ENOX1: variants seen among roughly 807,000 people sequenced by gnomAD.
ENOX1 encodes candidate growth-related and time keeping constitutive hydroquinone (NADH) oxidase.
In ENOX1, 42 loss-of-function variants were observed where a neutral mutation model predicts 82.5. That is an observed-to-expected ratio of 0.51 (90% confidence interval 0.40 to 0.66). The LOEUF is 0.66. Ranked by LOEUF, ENOX1 falls within the 30% of genes least tolerant of loss-of-function variation. ENOX1 has a pLI of 0.00. For synonymous variants in ENOX1, 271 were observed against 282.2 expected, an observed-to-expected ratio of 0.96 and a Z score of 0.40; for missense variants, 608 against 811.6, an observed-to-expected ratio of 0.75 and a Z score of 3.05.
chr13:43,363,844 G>A (rs181558174), intron 5 of ENOX1, among the ~76,000 whole-genome samples: 5 of 152,296 alleles, frequency 3.3e-5, no homozygotes, highest in African/African-American at 4.8e-5. Flanking sequence ...GTCCAGAAAT[G>A]GGGACAGAAG....
At chr13:43,416,376 A>T (rs2054555953) in intron 3 of ENOX1, among the ~76,000 whole-genome samples, 1 of 146,042 alleles carries the variant, frequency 6.8e-6, no homozygotes, top group Non-Finnish European at 1.5e-5. Context: ...AGCGCTCCTC[A>T]CATCCCAGAC....
Position 43,264,276 on chromosome 13 carries a change from A to G in ENOX1, c.1611+1122T>C, listed in dbSNP as rs181139545. ...CAAAGTCTGGATTTCAAACTACATC[A>G]CATCATAGCTGCCTCAACTTCCTGT... On this transcript the variant is annotated intron_variant, in intron 14 of 16. Coordinates refer to ENST00000690772, the MANE Select transcript of ENOX1 (RefSeq NM_001347969.2). Among the ~76,000 whole-genome samples, 313 of 152,326 alleles carry G rather than the reference A, an allele frequency of 2.1e-3. 1 individual carries two copies. The highest frequency in any genetic ancestry group is 5.8e-3 in the Admixed American group (89 of 15,300).
At chr13:43,362,455 C>T (rs1566606677) in intron 5 of ENOX1, among the ~76,000 whole-genome samples, 1 of 152,148 alleles carries the variant, frequency 6.6e-6, no homozygotes, top group African/African-American at 2.4e-5. Context: ...CCCTCCTCTA[C>T]TCTGCAAGGA....
chr13:43,719,956 C>A (rs969821793), intron 1 of ENOX1, among the ~76,000 whole-genome samples: 1 of 152,080 alleles, frequency 6.6e-6, no homozygotes, highest in African/African-American at 2.4e-5. Flanking sequence ...AGAAAATAAC[C>A]TACAGCAGGT....
chr13:43,398,803 CTTT>C (rs537591506), intron 5 of ENOX1, among the ~76,000 whole-genome samples: 4 of 140,404 alleles, frequency 2.8e-5, no homozygotes, highest in Admixed American at 7.2e-5. Flanking sequence ...ATTTCTTCTT[CTTT>C]TTTTTTTTTT....
chr13:43,393,906 G>A (rs1372577404), intron 5 of ENOX1, among the ~76,000 whole-genome samples: 2 of 152,182 alleles, frequency 1.3e-5, no homozygotes, highest in African/African-American at 4.8e-5. Flanking sequence ...GCCCCTTCCT[G>A]TGGTAATGAA....
At chr13:43,436,121 A>G (rs2056014500) in intron 3 of ENOX1, among the ~76,000 whole-genome samples, 1 of 152,220 alleles carries the variant, frequency 6.6e-6, no homozygotes, top group African/African-American at 2.4e-5. Context: ...CTGTATGTAT[A>G]TAATGACAAT....
At chr13:43,323,163 A>G (rs368504885) in intron 10 of ENOX1, among the ~76,000 whole-genome samples, 8 of 152,340 alleles carry the variant, frequency 5.3e-5, no homozygotes, top group African/African-American at 1.7e-4. Context: ...AGGCACACAC[A>G]CACACCATTC....
intron 3 of ENOX1, among the ~76,000 whole-genome samples, chr13:43,459,691 T>C (rs2057378712): frequency 6.6e-6 from 1 of 152,124 alleles, no homozygotes; most frequent in Admixed American, 6.5e-5. Flanking sequence ...TTGTTTTCTC[T>C]TTGTAAAAAT....
chr13:43,713,382 G>T (rs576236625), intron 1 of ENOX1, among the ~76,000 whole-genome samples: 2 of 152,002 alleles, frequency 1.3e-5, no homozygotes, highest in Non-Finnish European at 2.9e-5. Flanking sequence ...CTCTTTTTTG[G>T]TTGTGTCTCT....
chr13:43,339,362 G>A (rs1276621288), intron 9 of ENOX1, among the ~76,000 whole-genome samples: 1 of 152,166 alleles, frequency 6.6e-6, no homozygotes, highest in African/African-American at 2.4e-5. Flanking sequence ...AAGGAGATAG[G>A]TGCATCTAAT....
At chr13:43,771,875 C>G (rs915543424) in intron 1 of ENOX1, among the ~76,000 whole-genome samples, 1 of 151,798 alleles carries the variant, frequency 6.6e-6, no homozygotes, top group Admixed American at 6.6e-5. Context: ...CGCCATTCTC[C>G]TACCTCAGCC....
At chr13:43,716,167 GT>G (rs966372159) in intron 1 of ENOX1, among the ~76,000 whole-genome samples, 6 of 152,192 alleles carry the variant, frequency 3.9e-5, no homozygotes, top group Non-Finnish European at 8.8e-5. Context: ...TTTCTGCTCT[GT>G]TTTTTCCCCA....
At chr13:43,745,225 G>C (rs1023270479) in intron 1 of ENOX1, among the ~76,000 whole-genome samples, 1 of 152,186 alleles carries the variant, frequency 6.6e-6, no homozygotes, top group Middle Eastern at 3.4e-3. Context: ...AAACAAAAGA[G>C]GGAGAAGACA....
intron 11 of ENOX1, 50 bp downstream of exon 11, chr13:43,322,334 T>C: frequency 7.0e-7 from 1 of 1,422,420 alleles, no homozygotes. Context: ...ATCTGAGATT[T>C]GGAAGATCAT....
chr13:43,510,159 G>T (rs182727887), intron 2 of ENOX1, among the ~76,000 whole-genome samples: 1 of 151,948 alleles, frequency 6.6e-6, no homozygotes, highest in Non-Finnish European at 1.5e-5. Flanking sequence ...TCTTGGTGTG[G>T]ATAAAATCAG....
chr13:43,428,775 G>A (rs1220689250), intron 3 of ENOX1, among the ~76,000 whole-genome samples: 2 of 152,158 alleles, frequency 1.3e-5, no homozygotes, highest in African/African-American at 2.4e-5. Flanking sequence ...AGGAGCTACA[G>A]AAACTAGGGT....
At chr13:43,631,432 C>T (rs2083211582) in intron 2 of ENOX1, among the ~76,000 whole-genome samples, 1 of 152,094 alleles carries the variant, frequency 6.6e-6, no homozygotes, top group Non-Finnish European at 1.5e-5. Flanking sequence ...GCCAGGTAAG[C>T]CTGGGGCTCT....
At chr13:43,416,050 G>C (rs1315262769) in intron 3 of ENOX1, among the ~76,000 whole-genome samples, 2 of 133,594 alleles carry the variant, frequency 1.5e-5, no homozygotes, top group African/African-American at 5.7e-5. Flanking sequence ...CTTCCCAGAT[G>C]ATGGGTGGCC....
Sources: allele counts gnomAD v4.1 joint callset (sites outside exome capture counted in the v4.1 genomes callset), GRCh38; gene constraint gnomAD v4.1.1; transcripts MANE v1.5; gene names NCBI Gene and HGNC (gene_info 2026-07-23, HGNC 2026-07-21).